Variants in TMEM132D observed in about 807,000 individuals in gnomAD.
TMEM132D encodes transmembrane protein 132D.
In TMEM132D, 21 loss-of-function variants were observed where a neutral mutation model predicts 62.3. The ratio of observed to expected loss-of-function variants is 0.34; its 90% CI spans 0.24 to 0.49. The LOEUF (loss-of-function observed/expected upper bound fraction) is 0.49, where lower values mean the gene tolerates loss of function less well. Among genes scored for constraint, TMEM132D ranks in the 20% least tolerant of loss-of-function variants. The pLI is 0.99. For synonymous variants in TMEM132D, 621 were observed against 575.6 expected (o/e 1.08, Z -1.13); for missense variants, 1,346 against 1,402.8 (o/e 0.96, Z 0.65).
rs146045521 is a variant in TMEM132D, at chr12:129,467,341, T to G, written c.1115+63718A>C. Among the ~76,000 whole-genome samples the G allele has an allele frequency of 4.0e-3, 603 of 152,276 alleles. 3 individuals carry two copies. The highest frequency in any genetic ancestry group is 0.014 in the African/African-American group (565 of 41,572). ...CAATTTCCAAGCAGACTCTCAAAGATGGTGAAAGGAAGCTGGGGGCTTAAG... is the reference window on the plus strand; with the variant it reads ...CAATTTCCAAGCAGACTCTCAAAGAGGGTGAAAGGAAGCTGGGGGCTTAAG... On this transcript the variant is annotated intron_variant, in intron 3 of 8. Transcript: ENST00000422113.
At chr12:129,739,913 C>T (rs1869546481) in intron 1 of TMEM132D, among the ~76,000 whole-genome samples, 1 of 152,210 alleles carries the variant, frequency 6.6e-6, no homozygotes, top group Non-Finnish European at 1.5e-5. Context: ...TTCTCCTGGG[C>T]CTTCTTTCAT....
chr12:129,753,732 C>T (rs1325370628), intron 1 of TMEM132D, among the ~76,000 whole-genome samples: 3 of 152,058 alleles, frequency 2.0e-5, no homozygotes, highest in Admixed American at 1.3e-4. Context: ...TTGCGTGTTT[C>T]CTATTATGCA....
chr12:129,690,154 A>G (rs1881028751), intron 2 of TMEM132D, among the ~76,000 whole-genome samples: 1 of 152,184 alleles, frequency 6.6e-6, no homozygotes, highest in Non-Finnish European at 1.5e-5. Flanking sequence ...CATGAAATTG[A>G]CTCAGATTAG....
At chr12:129,164,850 CA>C (rs1877495139) in intron 5 of TMEM132D, among the ~76,000 whole-genome samples, 1 of 152,204 alleles carries the variant, frequency 6.6e-6, no homozygotes, top group Non-Finnish European at 1.5e-5. Flanking sequence ...GGTGGGAACA[CA>C]AAGCCTAAAC....
At chr12:129,351,833 T>A (rs1256141445) in intron 3 of TMEM132D, among the ~76,000 whole-genome samples, 1 of 152,252 alleles carries the variant, frequency 6.6e-6, no homozygotes, top group Non-Finnish European at 1.5e-5. Flanking sequence ...TATCACCTTT[T>A]GTTGGAACTT....
At chr12:129,896,246 C>T (rs887724115) in intron 1 of TMEM132D, among the ~76,000 whole-genome samples, 5 of 152,146 alleles carry the variant, frequency 3.3e-5, no homozygotes, top group Admixed American at 2.6e-4. Context: ...CCTGGGCCCC[C>T]CAAAGAGCTG....
chr12:129,896,097 G>A (rs1013149032), intron 1 of TMEM132D, among the ~76,000 whole-genome samples: 1 of 151,556 alleles, frequency 6.6e-6, no homozygotes, highest in Admixed American at 6.6e-5. Flanking sequence ...AGCCTCCAGA[G>A]TAGCTGGGAC....
intron 4 of TMEM132D, among the ~76,000 whole-genome samples, chr12:129,329,162 T>A (rs1186513564): frequency 2.0e-5 from 3 of 151,978 alleles, no homozygotes; most frequent in Non-Finnish European, 4.4e-5. Context: ...CCTCCATATA[T>A]GTGTAGAAGT....
At chr12:129,304,125 G>A (rs543980868) in intron 4 of TMEM132D, among the ~76,000 whole-genome samples, 5 of 152,308 alleles carry the variant, frequency 3.3e-5, no homozygotes, top group African/African-American at 9.6e-5. Context: ...CTGGCTATCC[G>A]TGAGCCCAAT....
At chr12:129,599,246 C>T (rs1483172838) in intron 2 of TMEM132D, among the ~76,000 whole-genome samples, 1 of 152,218 alleles carries the variant, frequency 6.6e-6, no homozygotes, top group Non-Finnish European at 1.5e-5. Context: ...CCCCATTTTG[C>T]TTAACCCAGT....
chr12:129,724,079 A>AG (rs2137246645), intron 1 of TMEM132D, among the ~76,000 whole-genome samples: 1 of 152,350 alleles, frequency 6.6e-6, no homozygotes, highest in South Asian at 2.1e-4. Context: ...GGAAAGTCAG[A>AG]GTCAGAGGAG....
chr12:129,499,388 T>C (rs1192354540), intron 3 of TMEM132D, among the ~76,000 whole-genome samples: 1 of 152,100 alleles, frequency 6.6e-6, no homozygotes, highest in East Asian at 1.9e-4. Context: ...AATTAGTACA[T>C]AAAAGGAAAG....
At chr12:129,649,692 GAATA>G (rs1879870628) in intron 2 of TMEM132D, among the ~76,000 whole-genome samples, 1 of 151,498 alleles carries the variant, frequency 6.6e-6, no homozygotes, top group Non-Finnish European at 1.5e-5. Flanking sequence ...CTATATAATA[GAATA>G]AAAAGGTATA....
At chr12:129,200,007 T>C (rs1399294868) in intron 5 of TMEM132D, among the ~76,000 whole-genome samples, 1 of 152,122 alleles carries the variant, frequency 6.6e-6, no homozygotes, top group Non-Finnish European at 1.5e-5. Flanking sequence ...CTATTTGCTG[T>C]CCAAATAGAA....
chr12:129,789,132 C>T (rs947879491), intron 1 of TMEM132D, among the ~76,000 whole-genome samples: 5 of 152,064 alleles, frequency 3.3e-5, no homozygotes, highest in Admixed American at 6.5e-5. Context: ...AGTTCTTTAG[C>T]GGTGATTTCT....
intron 5 of TMEM132D, among the ~76,000 whole-genome samples, chr12:129,199,787 C>T (rs2054811): frequency 0.72 from 108,926 of 151,926 alleles, 39,510 homozygotes; most frequent in Middle Eastern, 0.76. Context: ...TCTCATGACA[C>T]TTATTCACTA....
intron 5 of TMEM132D, among the ~76,000 whole-genome samples, chr12:129,137,361 TAA>T (rs1491409258): frequency 6.6e-6 from 1 of 152,186 alleles, no homozygotes; most frequent in African/African-American, 2.4e-5. Context: ...ACTAACTCAA[TAA>T]ATGCCCTGAA....
At chr12:129,897,624 A>G (rs1224118682) in intron 1 of TMEM132D, among the ~76,000 whole-genome samples, 1 of 152,228 alleles carries the variant, frequency 6.6e-6, no homozygotes. Context: ...ATTCCACACC[A>G]TCAGAGAATC....
At chr12:129,523,454 C>A (rs1253298360) in intron 3 of TMEM132D, among the ~76,000 whole-genome samples, 1 of 152,140 alleles carries the variant, frequency 6.6e-6, no homozygotes, top group Admixed American at 6.5e-5. Context: ...TTATGCCACA[C>A]GCATGACTCT....
Sources: gnomAD v4.1 joint callset for allele counts (sites outside exome capture counted in the v4.1 genomes callset) on GRCh38, gnomAD v4.1.1 for gene constraint, MANE v1.5 for transcripts, NCBI Gene and HGNC (gene_info 2026-07-23, HGNC 2026-07-21) for gene names.